Variants in PITPNM2 observed in about 807,000 individuals in gnomAD.
PITPNM2 encodes membrane-associated phosphatidylinositol transfer protein 2.
PITPNM2 carries 35 observed loss-of-function variants against 132.2 expected under a neutral mutation model. That is an observed-to-expected ratio of 0.26 (90% confidence interval 0.20 to 0.35). PITPNM2 has a LOEUF of 0.35. Ranked by LOEUF, PITPNM2 falls within the 10% of genes least tolerant of loss-of-function variation. PITPNM2 has a pLI of 1.00. For missense variants in PITPNM2, 1,332 were observed against 1,912.0 expected, an observed-to-expected ratio of 0.70 and a Z score of 5.66; for synonymous variants, 738 against 799.2, an observed-to-expected ratio of 0.92 and a Z score of 1.29.
intron 6 of PITPNM2, chr12:123,006,166 G>A (rs1455239077): frequency 6.6e-6 from 1 of 151,994 alleles, no homozygotes; most frequent in Admixed American, 6.6e-5. Context: ...TTCCTGCACA[G>A]GGGAGGTAGA....
intron 2 of PITPNM2, among the ~76,000 whole-genome samples, chr12:123,086,877 T>A (rs2042127432): frequency 6.6e-6 from 1 of 152,076 alleles, no homozygotes; most frequent in African/African-American, 2.4e-5. Context: ...TAGGGAAAGG[T>A]CTCAGAGCAG....
At chr12:123,100,607 C>A (rs1269739315) in intron 2 of PITPNM2, among the ~76,000 whole-genome samples, 2 of 149,338 alleles carry the variant, frequency 1.3e-5, no homozygotes, top group African/African-American at 2.5e-5. Context: ...GGCTGGGCAA[C>A]AGAGCAAGAC....
chr12:123,122,815 GA>G (rs955907316), intron 1 of PITPNM2, among the ~76,000 whole-genome samples: 16 of 152,330 alleles, frequency 1.1e-4, no homozygotes, highest in Admixed American at 1.0e-3. Context: ...CTTTGCGGTA[GA>G]AAAGGCTCTC....
chr12:123,147,541 T>C (rs1034680999), intron 1 of PITPNM2, among the ~76,000 whole-genome samples: 1 of 152,114 alleles, frequency 6.6e-6, no homozygotes, highest in African/African-American at 2.4e-5. Flanking sequence ...ATAAAGAATA[T>C]ATATAGAGAG....
At chr12:123,135,964 T>C (rs917031152) in intron 1 of PITPNM2, among the ~76,000 whole-genome samples, 1 of 152,204 alleles carries the variant, frequency 6.6e-6, no homozygotes, top group Non-Finnish European at 1.5e-5. Context: ...AATTATTTGG[T>C]TTTTTAATTT....
intron 23 of PITPNM2, 104 bp from the exon 24 acceptor site, chr12:122,986,933 G>T: frequency 7.4e-7 from 1 of 1,357,042 alleles, no homozygotes; most frequent in Non-Finnish European, 9.9e-7. Context: ...GCACATCTCT[G>T]ATTGAGCTCA....
intron 1 of PITPNM2, among the ~76,000 whole-genome samples, chr12:123,132,475 A>G (rs1450605441): frequency 2.0e-5 from 3 of 151,436 alleles, no homozygotes; most frequent in Non-Finnish European, 4.4e-5. Flanking sequence ...CAGCCCTACA[A>G]GCCTGAAATT....
At chr12:123,098,680 G>A (rs2042474164) in intron 2 of PITPNM2, among the ~76,000 whole-genome samples, 1 of 152,122 alleles carries the variant, frequency 6.6e-6, no homozygotes, top group Non-Finnish European at 1.5e-5. Context: ...TGGAGAAGAG[G>A]AAGCGCCTCC....
intron 1 of PITPNM2, among the ~76,000 whole-genome samples, chr12:123,136,609 A>C (rs1311494300): frequency 1.3e-5 from 2 of 152,178 alleles, no homozygotes; most frequent in East Asian, 3.9e-4. Flanking sequence ...TTAATAATTA[A>C]GCACTTGGCC....
chr12:123,125,060 T>G (rs1471973204), intron 1 of PITPNM2, among the ~76,000 whole-genome samples: 1 of 152,116 alleles, frequency 6.6e-6, no homozygotes, highest in Non-Finnish European at 1.5e-5. Flanking sequence ...TGGGCTCCCT[T>G]GATCCTCCTG....
intron 2 of PITPNM2, among the ~76,000 whole-genome samples, chr12:123,094,173 C>T (rs144842278): frequency 1.3e-5 from 2 of 152,378 alleles, no homozygotes; most frequent in Admixed American, 1.3e-4. Flanking sequence ...AGCCAGGTGA[C>T]ACATTTCAGG....
chr12:123,079,141 G>A (rs1452561141), intron 2 of PITPNM2, among the ~76,000 whole-genome samples: 1 of 152,028 alleles, frequency 6.6e-6, no homozygotes, highest in Non-Finnish European at 1.5e-5. Context: ...CTTAGGGCTG[G>A]GAGCACAGTA....
In PITPNM2 at chr12:123,106,949, C is replaced by T. The variant is rs1158739502; in HGVS notation, c.-96+3436G>A. 4.6e-5 allele frequency among the ~76,000 whole-genome samples: 7 copies of T among 152,222 alleles called. No homozygotes were observed. Among genetic ancestry groups the T allele is most frequent in the Admixed American group, 3.9e-4 (6 of 15,288 alleles). On this transcript the variant is annotated intron_variant, in intron 2 of 25. Coordinates refer to ENST00000320201, the MANE Select transcript of PITPNM2 (RefSeq NM_020845.3). This position sits in a 1 kb window ranked among gnomAD's most constrained non-coding sequence, Gnocchi z 4.4. ...TGAGAGGAGGGACTAGGAAGCAAGG[C>T]CCTCGCTGCAGGTAGGGCTCTGCTG... is the stretch of plus-strand genomic sequence containing the variant.
At chr12:123,068,200 G>A (rs536147563) in intron 2 of PITPNM2, among the ~76,000 whole-genome samples, 5 of 152,340 alleles carry the variant, frequency 3.3e-5, no homozygotes, top group Admixed American at 6.5e-5. Flanking sequence ...GGGCACGGTG[G>A]CTCACGCCTG....
intron 14 of PITPNM2, among the ~76,000 whole-genome samples, 172 bp downstream of exon 14, chr12:122,995,217 G>A (rs570205217): frequency 6.6e-6 from 1 of 152,304 alleles, no homozygotes; most frequent in South Asian, 2.1e-4. Flanking sequence ...ATGAGACAAG[G>A]CATCCAGTAA....
At chr12:123,007,040 T>C (rs2038963638) in intron 6 of PITPNM2, among the ~76,000 whole-genome samples, 3 of 152,154 alleles carry the variant, frequency 2.0e-5, no homozygotes, top group African/African-American at 7.2e-5. Context: ...CAGGGAGCCC[T>C]CCACTCGCCT....
chr12:123,113,418 T>C (rs1459869751), intron 1 of PITPNM2, among the ~76,000 whole-genome samples: 2 of 152,166 alleles, frequency 1.3e-5, no homozygotes, highest in East Asian at 1.9e-4. Flanking sequence ...CCCGCCCTTT[T>C]AGCCAAGTGC....
At chr12:123,133,461 G>C (rs141927219) in intron 1 of PITPNM2, among the ~76,000 whole-genome samples, 8 of 152,324 alleles carry the variant, frequency 5.3e-5, no homozygotes, top group African/African-American at 1.9e-4. Context: ...TATGTCCACT[G>C]TGGGAATGAA....
chr12:123,008,090 A>G lies in PITPNM2; in HGVS notation c.643+1760T>C, dbSNP rs2039018651. Among the ~76,000 whole-genome samples, 1 of 152,232 alleles carries G rather than the reference A, an allele frequency of 6.6e-6. No homozygotes were observed. The highest frequency in any genetic ancestry group is 1.5e-5 in the Non-Finnish European group (1 of 68,044). On this transcript the variant is annotated intron_variant, in intron 6 of 25. Transcript: ENST00000320201. This position sits in a 1 kb window ranked among gnomAD's most constrained non-coding sequence, Gnocchi z 4.1. ...CAGAAGAGAAAAGCAAAGCTCAGTGAGGCTGAGAGACCACAGAGCCACTAC... is the reference window on the plus strand; with the variant it reads ...CAGAAGAGAAAAGCAAAGCTCAGTGGGGCTGAGAGACCACAGAGCCACTAC...
Sources: allele counts gnomAD v4.1 joint callset (sites outside exome capture counted in the v4.1 genomes callset), GRCh38; gene constraint gnomAD v4.1.1; non-coding constraint Gnocchi (gnomAD v3.1); transcripts MANE v1.5; gene names NCBI Gene and HGNC (gene_info 2026-07-23, HGNC 2026-07-21).